Variants in CCDC117 observed in about 807,000 individuals in gnomAD.
The protein encoded by CCDC117 is coiled-coil domain containing 117.
A neutral mutation model predicts 23.5 loss-of-function variants in CCDC117; 1 was observed. The observed-to-expected ratio is 0.04, with a 90% CI of 0.02 to 0.20. The LOEUF is 0.20. Ranked by LOEUF, CCDC117 falls within the 10% of genes least tolerant of loss-of-function variation. The pLI, the probability that CCDC117 is intolerant of heterozygous loss-of-function variation, is 1.00. For synonymous variants in CCDC117, 132 were observed against 124.8 expected, an observed-to-expected ratio of 1.06 and a Z score of -0.39; for missense variants, 383 against 348.2, an observed-to-expected ratio of 1.10 and a Z score of -0.80.
chr22:28,775,374 A>G (rs561335694), intron 2 of CCDC117, among the ~76,000 whole-genome samples: 7 of 152,322 alleles, frequency 4.6e-5, no homozygotes, highest in Admixed American at 1.3e-4. Flanking sequence ...TGCTATTACA[A>G]TCTACCCTGA....
At position 28,772,767 on chromosome 22, in the gene CCDC117, T is replaced by C. The variant is rs11556025; in HGVS notation, c.-83T>C. On this transcript the variant is annotated 5_prime_UTR_variant, in exon 1 of 5. Coordinates refer to ENST00000249064, the MANE Select transcript of CCDC117 (RefSeq NM_173510.4). ...AGCGGGATCCGAGGCTGGCGGGTTTTGGCAGTAGCTGTGGCTGCGGCTGCC... is the reference window on the plus strand; with the variant it reads ...AGCGGGATCCGAGGCTGGCGGGTTTCGGCAGTAGCTGTGGCTGCGGCTGCC... 368,819 of 1,104,232 alleles carry C rather than the reference T, an allele frequency of 0.33. 66,978 individuals carry two copies. Among genetic ancestry groups the C allele is most frequent in the East Asian group, 0.68 (19,660 of 28,988 alleles). The allele number at this position is 1,104,232 out of a possible 1,614,324, so 68.4% of individuals were successfully genotyped here.
chr22:28,779,036 C>T (rs2146248870), intron 2 of CCDC117, among the ~76,000 whole-genome samples: 1 of 152,182 alleles, frequency 6.6e-6, no homozygotes, highest in African/African-American at 2.4e-5. Context: ...CACTGTGTTG[C>T]TCAGGCTGGT....
intron 2 of CCDC117, among the ~76,000 whole-genome samples, chr22:28,778,832 TAATTATC>T (rs2031242843): frequency 6.6e-6 from 1 of 152,174 alleles, no homozygotes; most frequent in African/African-American, 2.4e-5. Flanking sequence ...CTTTGGGACT[TAATTATC>T]AGTGATCTCT....
chr22:28,785,798 C>G (rs898733761), intron 4 of CCDC117, among the ~76,000 whole-genome samples: 1 of 152,016 alleles, frequency 6.6e-6, no homozygotes, highest in East Asian at 1.9e-4. Flanking sequence ...TGGTATGTGC[C>G]TGTAGTCCTA....
chr22:28,780,181 A>G (rs1188037531), intron 2 of CCDC117, among the ~76,000 whole-genome samples: 1 of 152,206 alleles, frequency 6.6e-6, no homozygotes, highest in Admixed American at 6.5e-5. Context: ...GATGAATTCT[A>G]AAGTTTCTAT....
chr22:28,785,213 G>C (rs2031477578), intron 4 of CCDC117, among the ~76,000 whole-genome samples: 1 of 143,114 alleles, frequency 7.0e-6, no homozygotes, highest in Admixed American at 6.9e-5. Context: ...TTTTGAGACA[G>C]GGTCTCACTC....
At chr22:28,785,969 A>G (rs961326395) in intron 4 of CCDC117, 120 bp from the exon 5 acceptor site, 3 of 695,300 alleles carry the variant, frequency 4.3e-6, no homozygotes, top group African/African-American at 3.6e-5. Flanking sequence ...TGTGTGTTCT[A>G]AATCTCCTGT....
chr22:28,788,705 T>C lies in CCDC117; in HGVS notation c.*2379T>C, dbSNP rs1051018791. On this transcript the variant is annotated 3_prime_UTR_variant, in exon 5 of 5. Transcript: ENST00000249064. ...GTTTTCTTCATCCTTGTGGTGCTTA[T>C]TCATCTGAGCCGTCTCCACAGTCCC... 6.6e-6 allele frequency: 1 copy of C among 152,666 alleles called. No individual in the cohort carries two copies. Among genetic ancestry groups the C allele is most frequent in the Non-Finnish European group, 1.5e-5 (1 of 68,048 alleles). The allele number at this position is 152,666 out of a possible 1,614,324, so 9.5% of individuals were successfully genotyped here. A position where few individuals can be genotyped will look rare whatever the true frequency, so the allele number is the denominator to read the frequency against.
At chr22:28,781,296 A>G (rs779226370) in intron 3 of CCDC117, 124 bp downstream of exon 3, 26 of 534,332 alleles carry the variant, frequency 4.9e-5, no homozygotes, top group Non-Finnish European at 9.0e-5. Context: ...AGACTAAGTC[A>G]GATAATTCAA....
rs770846033 is a variant in CCDC117, at chr22:28,781,034, A to C, written c.326A>C (p.Glu109Ala). Residue 109 changes from glutamate to alanine, a missense_variant, in exon 3 of 5, where the codon GAG becomes GCG. Transcript: ENST00000249064. ...ATTCTTTGTGCACATCAGGATGTAG[A>C]GGGGCATGGAGTAAATCCCAGTGTT... ...DWILCAHQDV[E>A]GHGVNPSVSG... 2 of 1,614,022 alleles carry C rather than the reference A, an allele frequency of 1.2e-6. No individual in the cohort carries two copies. Among genetic ancestry groups the C allele is most frequent in the Non-Finnish European group, 1.7e-6 (2 of 1,179,954 alleles).
rs992728952 is a variant in CCDC117 at position 28,772,699 on chromosome 22, G to A, written c.-151G>A. ...AACAAATCCCGGCATGCCCCCGAGC[G>A]GCCTGAGGTGGAGGGTTCTAGAAGG... is the stretch of plus-strand genomic sequence containing the variant. On this transcript the variant is annotated 5_prime_UTR_variant, in exon 1 of 5. Transcript: ENST00000249064. The A allele has an allele frequency of 5.6e-5, 28 of 496,496 alleles. No individual in the cohort carries two copies. The highest frequency in any genetic ancestry group is 4.6e-5 in the Admixed American group (1 of 21,598). The allele number at this position is 496,496 out of a possible 1,614,324, so 30.8% of individuals were successfully genotyped here. A position where few individuals can be genotyped will look rare whatever the true frequency, so the allele number is the denominator to read the frequency against.
In CCDC117 at chr22:28,786,109, T is replaced by C; in HGVS notation, c.623T>C (p.Leu208Pro). ...CTTAGGAGCCGTCCTTCCATGGAGC[T>C]TGTTCTCTGGAAACCCCTCCCTGAA... ...IESMSRPSMELVLWKPLPELL... is the reference protein window; with the variant it reads ...IESMSRPSMEPVLWKPLPELL... Residue 208 changes from leucine (L) to proline (P), a missense_variant, in exon 5 of 5, where the codon CTT (leucine) becomes CCT (proline). By Grantham distance (98) the Leu-to-Pro change is moderately conservative. Coordinates refer to ENST00000249064, the MANE Select transcript of CCDC117 (RefSeq NM_173510.4). The C allele has an allele frequency of 6.2e-7, 1 of 1,612,640 alleles. No individual in the cohort carries two copies. The highest frequency in any genetic ancestry group is 8.5e-7 in the Non-Finnish European group (1 of 1,179,610).
intron 4 of CCDC117, among the ~76,000 whole-genome samples, chr22:28,784,480 G>A (rs1482964565): frequency 6.6e-6 from 1 of 152,226 alleles, no homozygotes; most frequent in African/African-American, 2.4e-5. Context: ...GCAAGTTTCA[G>A]GTATCTGAAA....
rs2031474204 is a variant in CCDC117, at chr22:28,785,158, T to C, written c.603-931T>C. ...CCACAGTGTGTGTGTAACATAGTCA[T>C]TTTGCCTTAACCATGAAGCTTGTTT... On this transcript the variant is annotated intron_variant, in intron 4 of 4. Transcript: ENST00000249064. Among the ~76,000 whole-genome samples, 3 of 150,832 alleles carry C rather than the reference T, an allele frequency of 2.0e-5. No homozygotes were observed. In the South Asian group the frequency reaches 6.3e-4, roughly 32 times the overall value.
chr22:28,780,397 C>T (rs2031283847), intron 2 of CCDC117, among the ~76,000 whole-genome samples: 1 of 152,332 alleles, frequency 6.6e-6, no homozygotes, highest in Middle Eastern at 3.4e-3. Flanking sequence ...GAATGGCTGC[C>T]AGACCATCTT....
At chr22:28,785,061 C>T (rs560959182) in intron 4 of CCDC117, among the ~76,000 whole-genome samples, 95 of 151,606 alleles carry the variant, frequency 6.3e-4, no homozygotes, top group Non-Finnish European at 1.1e-3. Context: ...TGAGCCACCG[C>T]GCCCAGCCAA....
chr22:28,781,561 C>T lies in CCDC117; in HGVS notation c.464+389C>T, dbSNP rs1380592811. On this transcript the variant is annotated intron_variant, in intron 3 of 4. Coordinates refer to ENST00000249064, the MANE Select transcript of CCDC117 (RefSeq NM_173510.4). Reference sequence around the variant, plus strand: ...AGAGACGGGGTTTCACCGTTTTAGCCGGGATGGTCTCGATCTCTTGACCTC... The same window carrying T: ...AGAGACGGGGTTTCACCGTTTTAGCTGGGATGGTCTCGATCTCTTGACCTC... Among the ~76,000 whole-genome samples, 10 of 57,472 alleles carry T rather than the reference C, an allele frequency of 1.7e-4. 4 individuals carry two copies. Among genetic ancestry groups the T allele is most frequent in the Admixed American group, 1.2e-3 (9 of 7,600 alleles). The allele number at this position is 57,472 out of a possible 152,430, so 37.7% of individuals were successfully genotyped here. A position where few individuals can be genotyped will look rare whatever the true frequency, so the allele number is the denominator to read the frequency against.
intron 2 of CCDC117, among the ~76,000 whole-genome samples, chr22:28,776,639 C>T (rs2031170109): frequency 6.6e-6 from 1 of 150,546 alleles, no homozygotes; most frequent in African/African-American, 2.5e-5. Context: ...GGCTGGAGCG[C>T]AATGGTGCAA....
chr22:28,773,132 C>T (rs2031047237), intron 1 of CCDC117, 98 bp downstream of exon 1: 4 of 527,924 alleles, frequency 7.6e-6, no homozygotes, highest in Non-Finnish European at 9.7e-6. Context: ...GGGCTCCGCG[C>T]CGGGGCTTTT....
Sources: allele counts gnomAD v4.1 joint callset (sites outside exome capture counted in the v4.1 genomes callset), GRCh38; gene constraint gnomAD v4.1.1; transcripts MANE v1.5; gene names NCBI Gene and HGNC (gene_info 2026-07-23, HGNC 2026-07-21).